PCDH15: variants seen among roughly 807,000 people sequenced by gnomAD.
PCDH15 encodes protocadherin-15.
Under a neutral mutation model 178.5 loss-of-function variants are expected in PCDH15, and 129 were observed. That is an observed-to-expected ratio of 0.72 (90% CI 0.63 to 0.84). The LOEUF is 0.84. PCDH15 is among the 40% of genes least tolerant of loss of function. PCDH15 has a pLI of 0.00. For missense variants in PCDH15, 2,230 were observed against 2,099.9 expected, an observed-to-expected ratio of 1.06 and a Z score of -1.21; for synonymous variants, 800 against 732.0, an observed-to-expected ratio of 1.09 and a Z score of -1.50.
chr10:54,290,593 A>G (rs2059336966), intron 8 of PCDH15, among the ~76,000 whole-genome samples: 1 of 152,208 alleles, frequency 6.6e-6, no homozygotes, highest in Non-Finnish European at 1.5e-5. Context: ...TAAAAGATAC[A>G]GACTGGCAAA....
At chr10:54,731,561 T>TATATATATATATATATATATAC (rs1566067493) in intron 1 of PCDH15, among the ~76,000 whole-genome samples, 9 of 48,356 alleles carry the variant, frequency 1.9e-4, no homozygotes, top group African/African-American at 4.4e-4. Context: ...TATATATATA[T>TATATATATATATATATATATAC]ATACACACAC....
chr10:53,868,092 C>T (rs2079577618), intron 26 of PCDH15, among the ~76,000 whole-genome samples: 1 of 151,728 alleles, frequency 6.6e-6, no homozygotes, highest in Non-Finnish European at 1.5e-5. Context: ...TATTTCAGAA[C>T]CATTTCATAG....
At chr10:54,949,440 C>T (rs1838277637) in intron 2 of PCDH15, among the ~76,000 whole-genome samples, 1 of 151,902 alleles carries the variant, frequency 6.6e-6, no homozygotes, top group Non-Finnish European at 1.5e-5. Context: ...CCTTCCAGGC[C>T]TCTGGGCCTG....
chr10:53,808,168 A>AACTT lies in PCDH15; in HGVS notation c.4672-1042_4672-1039dup, dbSNP rs571961884. ...CCTAATACTTGAAGTTGCAGATACAAACTTACTTATTTGAACATGTTCATG... is the reference window on the plus strand; with the variant it reads ...CCTAATACTTGAAGTTGCAGATACAAACTTACTTACTTATTTGAACATGTTCATG... On this transcript the variant is annotated intron_variant, in intron 37 of 37. Coordinates refer to ENST00000644397, the MANE Select transcript of PCDH15 (RefSeq NM_001384140.1). 2.0e-3 allele frequency: 309 copies of AACTT among 153,140 alleles called. 1 individual carries two copies. Among genetic ancestry groups the AACTT allele is most frequent in the Non-Finnish European group, 3.8e-3 (265 of 68,904 alleles). 9.5% of individuals were successfully genotyped at this position (153,140 alleles called of 1,614,324 possible). A position where few individuals can be genotyped will look rare whatever the true frequency, so the allele number is the denominator to read the frequency against.
At chr10:55,092,655 GACAA>G (rs1206119330) in intron 2 of PCDH15, among the ~76,000 whole-genome samples, 2 of 151,850 alleles carry the variant, frequency 1.3e-5, no homozygotes, top group East Asian at 3.9e-4. Context: ...ACAAATTAAT[GACAA>G]ACAGACTAGA....
At chr10:53,811,803 A>AT (rs1324142168) in intron 35 of PCDH15, among the ~76,000 whole-genome samples, 184 bp from the exon 36 acceptor site, 6 of 152,072 alleles carry the variant, frequency 3.9e-5, no homozygotes, top group Non-Finnish European at 4.4e-5. Context: ...AAATCTATTC[A>AT]TTTTTTTCTG....
At chr10:53,930,457 CAAAAAAAAAAAAA>C (rs60673116) in intron 25 of PCDH15, among the ~76,000 whole-genome samples, 16 of 50,350 alleles carry the variant, frequency 3.2e-4, no homozygotes, top group African/African-American at 1.1e-3. Context: ...GACTCCCTCT[CAAAAAAAAAAAAA>C]AAAAAAAAAA....
rs538642878 is a variant in PCDH15 at position 54,758,338 on chromosome 10, C to T, written c.-29+42587G>A. Reference sequence around the variant, plus strand: ...TATGGTAAAATACTCTCTCATGATGCTAGGCTGCAGACCCCAGCCAGCCAC... The same window carrying T: ...TATGGTAAAATACTCTCTCATGATGTTAGGCTGCAGACCCCAGCCAGCCAC... On this transcript the variant is annotated intron_variant, in intron 1 of 37. Transcript: ENST00000644397. 3.3e-5 allele frequency among the ~76,000 whole-genome samples: 5 copies of T among 152,278 alleles called. No homozygotes were observed. The East Asian group carries it at 9.7e-4, about 29-fold the overall frequency.
chr10:55,003,770 C>A (rs1030588323), intron 2 of PCDH15, among the ~76,000 whole-genome samples: 9 of 152,090 alleles, frequency 5.9e-5, no homozygotes, highest in Non-Finnish European at 8.8e-5. Context: ...GCTGATGAGA[C>A]CCCCTTAGAA....
At chr10:55,303,530 G>T (rs1843344110) in intron 1 of PCDH15, among the ~76,000 whole-genome samples, 1 of 152,166 alleles carries the variant, frequency 6.6e-6, no homozygotes. Context: ...TCAGAGGAAT[G>T]AGGGTTTTGA....
At chr10:54,360,341 A>T (rs1379528248) in intron 5 of PCDH15, among the ~76,000 whole-genome samples, 1 of 152,148 alleles carries the variant, frequency 6.6e-6, no homozygotes, top group Non-Finnish European at 1.5e-5. Flanking sequence ...TCAGCCAAAG[A>T]AATGAATTTG....
intron 2 of PCDH15, among the ~76,000 whole-genome samples, chr10:55,388,554 T>A (rs918200869): frequency 1.3e-5 from 2 of 152,088 alleles, no homozygotes; most frequent in African/African-American, 4.8e-5. Flanking sequence ...TTTTTAGATT[T>A]TGCTGGGTTA....
In PCDH15 at chr10:53,861,705, A is replaced by G. The variant is rs541602304; in HGVS notation, c.3718-4442T>C. ...TTTTAACATGTAAAGAACATTTTAC[A>G]TATTTTTATCAAAGTCTTTGAAATC... On this transcript the variant is annotated intron_variant, in intron 27 of 37. Transcript: ENST00000644397. Among the ~76,000 whole-genome samples, 22 of 152,306 alleles carry G rather than the reference A, an allele frequency of 1.4e-4. No homozygotes were observed. In the South Asian group the frequency reaches 1.9e-3, roughly 13 times the overall value.
intron 26 of PCDH15, among the ~76,000 whole-genome samples, chr10:53,877,340 T>C (rs1264956170): frequency 6.6e-6 from 1 of 152,170 alleles, no homozygotes; most frequent in Non-Finnish European, 1.5e-5. Flanking sequence ...TGCTCTATTA[T>C]ATAGACAAGT....
At chr10:53,968,666 G>T (rs1177421537) in intron 21 of PCDH15, among the ~76,000 whole-genome samples, 1 of 152,172 alleles carries the variant, frequency 6.6e-6, no homozygotes, top group Non-Finnish European at 1.5e-5. Context: ...CCAGAGGAAG[G>T]ATCAGGCAGC....
intron 3 of PCDH15, among the ~76,000 whole-genome samples, chr10:54,513,908 A>G (rs1291172088): frequency 6.6e-6 from 1 of 152,222 alleles, no homozygotes; most frequent in African/African-American, 2.4e-5. Context: ...AATATTCTCT[A>G]TTCTGAGATA....
At chr10:54,565,567 T>G (rs1310769123) in intron 2 of PCDH15, among the ~76,000 whole-genome samples, 1 of 152,190 alleles carries the variant, frequency 6.6e-6, no homozygotes, top group Admixed American at 6.5e-5. Context: ...ATGAGGATGA[T>G]GATGATGTCA....
At chr10:55,567,531 G>GA (rs992299950) in intron 2 of PCDH15, among the ~76,000 whole-genome samples, 6 of 151,294 alleles carry the variant, frequency 4.0e-5, no homozygotes, top group African/African-American at 1.5e-4. Context: ...AATATTTGCA[G>GA]AACATATATC....
At chr10:53,854,449 T>C (rs1589107195) in intron 28 of PCDH15, among the ~76,000 whole-genome samples, 1 of 152,194 alleles carries the variant, frequency 6.6e-6, no homozygotes, top group South Asian at 2.1e-4. Flanking sequence ...GGCATGTATG[T>C]GCTGCTTAAT....
Sources: allele counts gnomAD v4.1 joint callset (sites outside exome capture counted in the v4.1 genomes callset), GRCh38; gene constraint gnomAD v4.1.1; transcripts MANE v1.5; gene names NCBI Gene and HGNC (gene_info 2026-07-23, HGNC 2026-07-21).